PKP4: variants seen among roughly 807,000 people sequenced by gnomAD.
The protein encoded by PKP4 is plakophilin-4.
Under a neutral mutation model 145.1 loss-of-function variants are expected in PKP4, and 90 were observed. The ratio of observed to expected loss-of-function variants is 0.62; its 90% CI spans 0.52 to 0.74. PKP4 has a LOEUF of 0.74. Ranked by LOEUF, PKP4 falls within the 30% of genes least tolerant of loss-of-function variation. The probability of loss-of-function intolerance (pLI) is 0.00; values close to 1 mark genes in which losing one functional copy is unlikely to be tolerated. For missense variants in PKP4, 1,340 were observed against 1,482.7 expected, an observed-to-expected ratio of 0.90 and a Z score of 1.58; for synonymous variants, 563 against 577.2, an observed-to-expected ratio of 0.98 and a Z score of 0.35.
At chr2:158,559,592 C>T (rs72936956) in intron 2 of PKP4, among the ~76,000 whole-genome samples, 5,921 of 152,208 alleles carry the variant, frequency 0.039, 187 homozygotes, top group Non-Finnish European at 0.053. Context: ...CGGCTTCCTG[C>T]TTCTGGAAGG....
chr2:158,501,950 C>T (rs1696648182), intron 1 of PKP4, among the ~76,000 whole-genome samples: 1 of 152,102 alleles, frequency 6.6e-6, no homozygotes, highest in Non-Finnish European at 1.5e-5. Context: ...ATGTGTGCCT[C>T]AGGAGCATGG....
chr2:158,570,413 A>G (rs547412299), intron 2 of PKP4, among the ~76,000 whole-genome samples: 1 of 152,344 alleles, frequency 6.6e-6, no homozygotes, highest in East Asian at 1.9e-4. Context: ...CAGGACATAA[A>G]CCTGCCCAAT....
chr2:158,670,273 C>T (rs1452907750), intron 17 of PKP4, among the ~76,000 whole-genome samples: 1 of 152,140 alleles, frequency 6.6e-6, no homozygotes, highest in Non-Finnish European at 1.5e-5. Flanking sequence ...GATCAGGGCA[C>T]CAACAGATTT....
In PKP4 at chr2:158,634,173, C is replaced by T. The variant is rs878978218; in HGVS notation, c.1446C>T (p.Tyr482=). The part of the protein sequence containing the change: ...LNTTATYAEP[Y]RPIQYRVQEC... Reference sequence around the variant, plus strand: ...CAACAGCTACCTACGCGGAGCCCTACAGGCCTATACAATACCGAGTGCAAG... The same window carrying T: ...CAACAGCTACCTACGCGGAGCCCTATAGGCCTATACAATACCGAGTGCAAG... The change falls in exon 9 of 22, where the codon TAC becomes TAT. Residue 482 remains tyrosine (Y), a synonymous_variant. Coordinates refer to ENST00000389759, the MANE Select transcript of PKP4 (RefSeq NM_003628.6). 1.9e-6 allele frequency: 3 copies of T among 1,613,840 alleles called. No individual in the cohort carries two copies. The highest frequency in any genetic ancestry group is 2.7e-5 in the African/African-American group (2 of 74,896).
chr2:158,556,701 C>A (rs1304799390), intron 2 of PKP4, among the ~76,000 whole-genome samples: 1 of 152,132 alleles, frequency 6.6e-6, no homozygotes, highest in Non-Finnish European at 1.5e-5. Context: ...ACTAGATTTT[C>A]TGCACCCACA....
intron 1 of PKP4, among the ~76,000 whole-genome samples, chr2:158,515,566 A>G (rs149262811): frequency 1.3e-5 from 2 of 152,168 alleles, no homozygotes; most frequent in Non-Finnish European, 2.9e-5. Flanking sequence ...TTTCTGTACC[A>G]TTTCTTAAAA....
At chr2:158,523,888 G>A (rs1322723548) in intron 1 of PKP4, among the ~76,000 whole-genome samples, 5 of 141,010 alleles carry the variant, frequency 3.5e-5, no homozygotes, top group African/African-American at 1.4e-4. Context: ...ATCAGCAACG[G>A]AAGATGAAAT....
chr2:158,681,299 A>C lies in PKP4; in HGVS notation c.*622A>C, dbSNP rs2058408490. On this transcript the variant is annotated 3_prime_UTR_variant, in exon 22 of 22. Coordinates refer to ENST00000389759, the MANE Select transcript of PKP4 (RefSeq NM_003628.6). ...CCTTTGTCTCCACCACACATAGTGT[A>C]CTTTGGAAGCACAACGTCCAGGCTG... The C allele has an allele frequency of 6.5e-6, 1 of 152,844 alleles. No homozygotes were observed. Among genetic ancestry groups the C allele is most frequent in the African/African-American group, 2.4e-5 (1 of 41,466 alleles). The allele number at this position is 152,844 out of a possible 1,614,324, so 9.5% of individuals were successfully genotyped here.
intron 17 of PKP4, among the ~76,000 whole-genome samples, 159 bp from the exon 18 acceptor site, chr2:158,673,518 A>G (rs2057745138): frequency 6.6e-6 from 1 of 152,188 alleles, no homozygotes; most frequent in African/African-American, 2.4e-5. Context: ...ATCGACTCCC[A>G]GGCACACCTG....
intron 3 of PKP4, among the ~76,000 whole-genome samples, chr2:158,585,319 G>T (rs2048708706): frequency 6.6e-6 from 1 of 152,112 alleles, no homozygotes; most frequent in Non-Finnish European, 1.5e-5. Context: ...TTTCAAAAAG[G>T]TCATACAGTT....
chr2:158,494,031 G>A (rs1174643821), intron 1 of PKP4, among the ~76,000 whole-genome samples: 1 of 152,170 alleles, frequency 6.6e-6, no homozygotes, highest in Non-Finnish European at 1.5e-5. Context: ...CTTATCAGGA[G>A]GGAGGCAGAT....
intron 1 of PKP4, among the ~76,000 whole-genome samples, chr2:158,466,231 A>G (rs887315621): frequency 1.6e-4 from 25 of 152,182 alleles, no homozygotes; most frequent in Admixed American, 1.4e-3. Flanking sequence ...ACTCTTGGAT[A>G]ATCGTGTCTG....
intron 1 of PKP4, among the ~76,000 whole-genome samples, chr2:158,488,223 G>A (rs745545635): frequency 7.2e-5 from 11 of 152,182 alleles, no homozygotes; most frequent in Admixed American, 1.3e-4. Context: ...GATCTAGGTA[G>A]TGTATGAAAG....
At chr2:158,511,825 A>C (rs577581864) in intron 1 of PKP4, among the ~76,000 whole-genome samples, 1 of 152,326 alleles carries the variant, frequency 6.6e-6, no homozygotes, top group South Asian at 2.1e-4. Context: ...AAGTAGAAGC[A>C]CATGCAAACA....
rs1184968253 is a variant in PKP4 at position 158,642,717 on chromosome 2, T to A, written c.1909+18T>A. On this transcript the variant is annotated intron_variant, in intron 11 of 21. Coordinates refer to ENST00000389759, the MANE Select transcript of PKP4 (RefSeq NM_003628.6). ...TGTTACAGGTAGGTATAGAATGTGA[T>A]CTCGTCCTAGAGGAAATGTTGAAAA... 6.5e-7 allele frequency: 1 copy of A among 1,548,052 alleles called. No individual in the cohort carries two copies. The highest frequency in any genetic ancestry group is 8.8e-7 in the Non-Finnish European group (1 of 1,134,876).
intron 3 of PKP4, among the ~76,000 whole-genome samples, chr2:158,598,035 C>G (rs772264919): frequency 6.6e-6 from 1 of 151,966 alleles, no homozygotes; most frequent in Non-Finnish European, 1.5e-5. Context: ...TTTGTTGCCC[C>G]GGCTGGTCTC....
intron 1 of PKP4, among the ~76,000 whole-genome samples, chr2:158,529,035 C>G (rs2043261331): frequency 6.6e-6 from 1 of 152,208 alleles, no homozygotes; most frequent in South Asian, 2.1e-4. Context: ...AGTGCAGCAT[C>G]TCTTCTACAC....
At chr2:158,476,596 G>A (rs1259934678) in intron 1 of PKP4, among the ~76,000 whole-genome samples, 1 of 152,052 alleles carries the variant, frequency 6.6e-6, no homozygotes, top group Admixed American at 6.6e-5. Flanking sequence ...CTCCCAAAGT[G>A]TTGAGATTAT....
chr2:158,678,031 C>CAAGT (rs2058157225), intron 20 of PKP4, among the ~76,000 whole-genome samples: 1 of 147,844 alleles, frequency 6.8e-6, no homozygotes, highest in Non-Finnish European at 1.5e-5. Flanking sequence ...TCATTATTAC[C>CAAGT]AAGTTCCTTT....
Sources: allele counts gnomAD v4.1 joint callset (sites outside exome capture counted in the v4.1 genomes callset), GRCh38; gene constraint gnomAD v4.1.1; transcripts MANE v1.5; gene names NCBI Gene and HGNC (gene_info 2026-07-23, HGNC 2026-07-21).